MYO18A: variants seen among roughly 807,000 people sequenced by gnomAD.
MYO18A encodes myosin XVIIIA.
MYO18A carries 78 observed loss-of-function variants against 235.8 expected under a neutral mutation model. That is an observed-to-expected ratio of 0.33 (90% CI 0.28 to 0.40). MYO18A has a LOEUF of 0.40. Among genes scored for constraint, MYO18A ranks in the 10% least tolerant of loss-of-function variants. The probability of loss-of-function intolerance (pLI) is 1.00; values close to 1 mark genes in which losing one functional copy is unlikely to be tolerated. For synonymous variants in MYO18A, 977 were observed against 1,077.8 expected, an observed-to-expected ratio of 0.91 and a Z score of 1.83; for missense variants, 2,215 against 2,699.3, an observed-to-expected ratio of 0.82 and a Z score of 3.98.
intron 37 of MYO18A, among the ~76,000 whole-genome samples, chr17:29,088,157 C>G (rs1309084910): frequency 6.6e-6 from 1 of 151,330 alleles, no homozygotes; most frequent in Non-Finnish European, 1.5e-5. Flanking sequence ...GGGGTTCACG[C>G]CATTCTCCTG....
intron 2 of MYO18A, among the ~76,000 whole-genome samples, chr17:29,159,781 G>A (rs1020715157): frequency 1.3e-5 from 2 of 152,294 alleles, no homozygotes; most frequent in Admixed American, 6.5e-5. Context: ...CTACCCAGGG[G>A]TCTAGGGCTT....
intron 2 of MYO18A, chr17:29,131,389 T>A (rs766614689): frequency 1.0e-6 from 1 of 985,790 alleles, no homozygotes; most frequent in Non-Finnish European, 1.2e-6. Flanking sequence ...TTACAGCCCC[T>A]TCCTCCTTGC....
intron 40 of MYO18A, among the ~76,000 whole-genome samples, chr17:29,083,506 C>CCCCACACACACA (rs1555622298): frequency 1.3e-5 from 1 of 75,922 alleles, no homozygotes; most frequent in African/African-American, 6.9e-5. Flanking sequence ...AAATAAACAG[C>CCCCACACACACA]CACACAGGCA....
chr17:29,082,498 A>G, intron 40 of MYO18A, 60 bp from the exon 41 acceptor site: 1 of 1,564,334 alleles, frequency 6.4e-7, no homozygotes, highest in South Asian at 1.2e-5. Flanking sequence ...CCACGAGGGG[A>G]GCAGATGGGG....
chr17:29,092,900 C>T lies in MYO18A; in HGVS notation c.5028G>A (p.Lys1676=), dbSNP rs768551777. Residue 1676 remains lysine, a synonymous_variant, in exon 33 of 42, where the codon AAG becomes AAA. Transcript: ENST00000527372. ...ADAQLMLDHL[K]NSAPSKREIA... ...TCTCTCGCTTGCTGGGAGCACTGTTCTTCAGGTGGTCCAGCATGAGCTGGG... is the reference window on the plus strand; with the variant it reads ...TCTCTCGCTTGCTGGGAGCACTGTTTTTCAGGTGGTCCAGCATGAGCTGGG... 6.2e-7 allele frequency: 1 copy of T among 1,613,990 alleles called. No homozygotes were observed. Among genetic ancestry groups the T allele is most frequent in the East Asian group, 2.2e-5 (1 of 44,872 alleles).
chr17:29,118,656 T>C lies in MYO18A; in HGVS notation c.1830-216A>G, dbSNP rs1302415936. 2.6e-5 allele frequency among the ~76,000 whole-genome samples: 4 copies of C among 152,200 alleles called. No individual in the cohort carries two copies. The highest frequency in any genetic ancestry group is 4.8e-5 in the African/African-American group (2 of 41,448). On this transcript the variant is annotated intron_variant, in intron 8 of 41. Transcript: ENST00000527372. This position sits in a 1 kb window ranked among gnomAD's most constrained non-coding sequence, Gnocchi z 4.2. ...TCTCCTGAGGACAAGCCACCAGACA[T>C]GCCCTGGTGAGAGGATGCAACCTGG...
At chr17:29,139,359 C>T (rs1794034251) in intron 2 of MYO18A, among the ~76,000 whole-genome samples, 1 of 152,112 alleles carries the variant, frequency 6.6e-6, no homozygotes, top group Non-Finnish European at 1.5e-5. Flanking sequence ...CCGGGGGTGG[C>T]TGGGGGAGAG....
At chr17:29,079,515 C>A (rs1464969813) in intron 41 of MYO18A, among the ~76,000 whole-genome samples, 2 of 152,228 alleles carry the variant, frequency 1.3e-5, no homozygotes, top group Admixed American at 1.3e-4. Flanking sequence ...TATGACATCA[C>A]CAGCGAGTTC....
intron 41 of MYO18A, 105 bp from the exon 42 acceptor site, chr17:29,075,019 A>C: frequency 7.2e-7 from 1 of 1,384,670 alleles, no homozygotes; most frequent in Non-Finnish European, 1.0e-6. Context: ...AGCACTCCCC[A>C]AAAGCCAAAC....
At chr17:29,115,298 C>CA in intron 13 of MYO18A, 53 bp downstream of exon 13, 1 of 1,593,426 alleles carries the variant, frequency 6.3e-7, no homozygotes, top group Non-Finnish European at 8.6e-7. Context: ...ATGAAGGCAT[C>CA]TACTCCACCT....
intron 2 of MYO18A, among the ~76,000 whole-genome samples, chr17:29,145,197 G>A (rs942844034): frequency 3.3e-5 from 5 of 152,044 alleles, no homozygotes; most frequent in African/African-American, 9.7e-5. Context: ...ATCCCATCCC[G>A]TTCCCCAGCA....
chr17:29,096,740 CA>C lies in MYO18A; in HGVS notation c.4385+20del. The C allele has an allele frequency of 6.3e-7, 1 of 1,577,128 alleles. No homozygotes were observed. On this transcript the variant is annotated intron_variant, in intron 28 of 41. Transcript: ENST00000527372. ...GCTGCTCCAGAAGGTTCTCTGGGCC[CA>C]GGGCAGGGGGCCCACCCACCTCCTC...
At chr17:29,080,415 G>A in intron 41 of MYO18A, 1 of 986,114 alleles carries the variant, frequency 1.0e-6, no homozygotes, top group Non-Finnish European at 1.2e-6. Context: ...ACTGCGAGCA[G>A]GCCTCGCTCA....
At chr17:29,131,737 C>T (rs767428750) in intron 2 of MYO18A, among the ~76,000 whole-genome samples, 2 of 152,232 alleles carry the variant, frequency 1.3e-5, no homozygotes, top group Non-Finnish European at 2.9e-5. Context: ...ACCCACAGTG[C>T]CATCGTGGCT....
chr17:29,166,941 G>A lies in MYO18A; in HGVS notation c.-1C>T, dbSNP rs2068299673. ...TGTCTTTCTTCATTAGGTTAAACATGGTGGGGGTGCTGTTTGTAGGGGTAG... is the reference window on the plus strand; with the variant it reads ...TGTCTTTCTTCATTAGGTTAAACATAGTGGGGGTGCTGTTTGTAGGGGTAG... On this transcript the variant is annotated 5_prime_UTR_variant, in exon 2 of 42. Transcript: ENST00000527372. 6.5e-7 allele frequency: 1 copy of A among 1,532,808 alleles called. No homozygotes were observed. The highest frequency in any genetic ancestry group is 1.4e-5 in the African/African-American group (1 of 72,480). 95.0% of individuals were successfully genotyped at this position (1,532,808 alleles called of 1,614,324 possible).
At chr17:29,149,587 G>A (rs1196747086) in intron 2 of MYO18A, among the ~76,000 whole-genome samples, 4 of 152,232 alleles carry the variant, frequency 2.6e-5, no homozygotes, top group Non-Finnish European at 5.9e-5. Context: ...AGGGACGCCT[G>A]GGCTTGTCCT....
At chr17:29,097,974 C>G in intron 25 of MYO18A, 75 bp from the exon 26 acceptor site, 1 of 1,572,728 alleles carries the variant, frequency 6.4e-7, no homozygotes, top group Non-Finnish European at 8.6e-7. Context: ...AGACCATGAT[C>G]ACATGCTTAC....
chr17:29,087,170 C>T (rs2066276476), intron 37 of MYO18A, 49 bp from the exon 38 acceptor site: 1 of 1,569,460 alleles, frequency 6.4e-7, no homozygotes, highest in African/African-American at 1.3e-5. Flanking sequence ...GCCCATCAGC[C>T]AGGCAGAGGG....
chr17:29,081,522 T>C (rs2066122865), intron 41 of MYO18A, among the ~76,000 whole-genome samples: 1 of 151,920 alleles, frequency 6.6e-6, no homozygotes, highest in Admixed American at 6.6e-5. Flanking sequence ...TTCTACCCAG[T>C]CTACCTGCTG....
Sources: gnomAD v4.1 joint callset for allele counts (sites outside exome capture counted in the v4.1 genomes callset) on GRCh38, gnomAD v4.1.1 for gene constraint, Gnocchi (gnomAD v3.1) non-coding constraint, MANE v1.5 for transcripts, NCBI Gene and HGNC (gene_info 2026-07-23, HGNC 2026-07-21) for gene names.